The following STK39 variants were observed in gnomAD, a reference collection of about 807,000 sequenced individuals.
The protein encoded by STK39 is serine/threonine kinase 39.
In STK39, 20 loss-of-function variants were observed where a neutral mutation model predicts 77.8. The ratio of observed to expected loss-of-function variants is 0.26; its 90% CI spans 0.18 to 0.37. STK39 has a LOEUF of 0.37. Ranked by LOEUF, STK39 falls within the 10% of genes least tolerant of loss-of-function variation. The pLI, the probability that STK39 is intolerant of heterozygous loss-of-function variation, is 1.00. For synonymous variants in STK39, 246 were observed against 234.1 expected (o/e 1.05, Z -0.47); for missense variants, 479 against 656.5 (o/e 0.73, Z 2.95).
intron 1 of STK39, among the ~76,000 whole-genome samples, chr2:168,194,350 G>GC (rs1441245974): frequency 6.6e-6 from 1 of 152,132 alleles, no homozygotes; most frequent in African/African-American, 2.4e-5. Flanking sequence ...AACTTGGGTG[G>GC]CAGAGGTTGC....
chr2:168,109,039 C>T (rs936392081), intron 10 of STK39, among the ~76,000 whole-genome samples: 1 of 152,124 alleles, frequency 6.6e-6, no homozygotes, highest in African/African-American at 2.4e-5. Flanking sequence ...AGGTTAGGTA[C>T]CTTGCCCTTT....
intron 14 of STK39, among the ~76,000 whole-genome samples, chr2:168,018,173 G>T (rs1362324971): frequency 2.0e-5 from 3 of 152,132 alleles, no homozygotes; most frequent in Non-Finnish European, 2.9e-5. Context: ...ATCAACAGAT[G>T]CTAGAATTAA....
intron 10 of STK39, among the ~76,000 whole-genome samples, chr2:168,103,240 T>G (rs1686882478): frequency 1.3e-5 from 2 of 152,216 alleles, no homozygotes; most frequent in Non-Finnish European, 2.9e-5. Context: ...TCTATTTACT[T>G]TCTTATCCTT....
At chr2:168,016,196 G>T (rs1356843771) in intron 15 of STK39, among the ~76,000 whole-genome samples, 1 of 152,022 alleles carries the variant, frequency 6.6e-6, no homozygotes, top group Non-Finnish European at 1.5e-5. Flanking sequence ...TCAAAGTGCT[G>T]GGATTACAGG....
At chr2:168,151,809 C>T (rs2105559360) in intron 5 of STK39, among the ~76,000 whole-genome samples, 1 of 152,044 alleles carries the variant, frequency 6.6e-6, no homozygotes, top group South Asian at 2.1e-4. Context: ...TCCCCAATTC[C>T]TCAGCCATTC....
chr2:168,189,781 A>G lies in STK39; in HGVS notation c.209-7691T>C, dbSNP rs1263152427. Among the ~76,000 whole-genome samples the G allele has an allele frequency of 2.0e-5, 3 of 152,204 alleles. No individual in the cohort carries two copies. In the East Asian group the frequency reaches 5.8e-4, roughly 29 times the overall value. ...AAAAACATTTAACATTAGTCTCAAG[A>G]GCACTTACTCAGAGGTTCAGCCCCT... On this transcript the variant is annotated intron_variant, in intron 1 of 17. Coordinates refer to ENST00000355999, the MANE Select transcript of STK39 (RefSeq NM_013233.3).
chr2:168,098,014 A>T (rs1686719980), intron 10 of STK39, among the ~76,000 whole-genome samples: 1 of 152,252 alleles, frequency 6.6e-6, no homozygotes, highest in Non-Finnish European at 1.5e-5. Flanking sequence ...CTCATAGCAA[A>T]CGAACACTAA....
intron 10 of STK39, among the ~76,000 whole-genome samples, chr2:168,078,888 G>A (rs1306948164): frequency 6.6e-6 from 1 of 152,086 alleles, no homozygotes; most frequent in African/African-American, 2.4e-5. Context: ...TCCACCTGCT[G>A]AACATATGGC....
chr2:167,970,251 G>T (rs560948562), intron 16 of STK39, among the ~76,000 whole-genome samples: 1 of 152,024 alleles, frequency 6.6e-6, no homozygotes, highest in Admixed American at 6.6e-5. Flanking sequence ...TTCTGGATGC[G>T]GCCCTTTACC....
At chr2:168,083,156 T>G (rs1686281302) in intron 10 of STK39, among the ~76,000 whole-genome samples, 1 of 152,178 alleles carries the variant, frequency 6.6e-6, no homozygotes, top group African/African-American at 2.4e-5. Flanking sequence ...ACATGTCACA[T>G]ATTTTTGTGA....
intron 14 of STK39, among the ~76,000 whole-genome samples, chr2:168,044,073 C>T (rs1439241449): frequency 6.6e-6 from 1 of 152,172 alleles, no homozygotes; most frequent in East Asian, 1.9e-4. Context: ...CCTTGTTCAT[C>T]TCTGCAACAT....
chr2:168,056,022 T>G (rs931464712), intron 14 of STK39, among the ~76,000 whole-genome samples: 1 of 152,038 alleles, frequency 6.6e-6, no homozygotes, highest in Non-Finnish European at 1.5e-5. Context: ...ACAAAAAAAA[T>G]TTGCAAAAAA....
chr2:168,100,635 C>G (rs1248696476), intron 10 of STK39, among the ~76,000 whole-genome samples: 2 of 152,108 alleles, frequency 1.3e-5, no homozygotes, highest in Non-Finnish European at 2.9e-5. Context: ...GAATAGGCAA[C>G]CTACAGAATG....
At chr2:168,130,624 A>C (rs1299731886) in intron 8 of STK39, among the ~76,000 whole-genome samples, 1 of 152,204 alleles carries the variant, frequency 6.6e-6, no homozygotes, top group Non-Finnish European at 1.5e-5. Flanking sequence ...TAATACTTTG[A>C]CATTTTATGA....
intron 16 of STK39, among the ~76,000 whole-genome samples, chr2:167,977,919 T>G (rs78697733): frequency 0.037 from 5,599 of 152,208 alleles, 363 homozygotes; most frequent in African/African-American, 0.13. Flanking sequence ...GGGGTTGCAG[T>G]TTTTAAGGAT....
intron 12 of STK39, 73 bp from the exon 13 acceptor site, chr2:168,065,454 C>A (rs1266618891): frequency 1.4e-6 from 2 of 1,457,266 alleles, no homozygotes; most frequent in Non-Finnish European, 1.9e-6. Flanking sequence ...TACATTAAGT[C>A]CCAATTATCA....
rs1193722367 is a variant in STK39, at chr2:168,140,369, C to A, written c.760G>T (p.Ala254Ser). Reference protein sequence around the residue: ...MEQVRGYDFKADMWSFGITAI... With the variant: ...MEQVRGYDFKSDMWSFGITAI... ...GTTATTCCAAAACTCCACATGTCAGCCTTGAAGTCATAGCCTCTCACCTAA... is the reference window on the plus strand; with the variant it reads ...GTTATTCCAAAACTCCACATGTCAGACTTGAAGTCATAGCCTCTCACCTAA... The change falls in exon 7 of 18, where the codon GCT becomes TCT. Residue 254 changes from alanine to serine, a missense_variant. Ala to Ser is a moderately conservative substitution (Grantham distance 99). Coordinates refer to ENST00000355999, the MANE Select transcript of STK39 (RefSeq NM_013233.3). 1 of 1,614,004 alleles carries A rather than the reference C, an allele frequency of 6.2e-7. No individual in the cohort carries two copies.
chr2:168,139,425 A>ATATATATATATATATAT (rs1559115956), intron 7 of STK39, among the ~76,000 whole-genome samples: 6 of 131,810 alleles, frequency 4.6e-5, no homozygotes, highest in African/African-American at 2.0e-4. Flanking sequence ...TATATATATA[A>ATATATATATATATATAT]AAACAATAAA....
At chr2:168,103,610 A>G (rs1285347392) in intron 10 of STK39, among the ~76,000 whole-genome samples, 4 of 152,236 alleles carry the variant, frequency 2.6e-5, no homozygotes, top group Admixed American at 6.5e-5. Context: ...TTCTTTGCAC[A>G]TTCATGAATA....
Sources: allele counts gnomAD v4.1 joint callset (sites outside exome capture counted in the v4.1 genomes callset), GRCh38; gene constraint gnomAD v4.1.1; transcripts MANE v1.5; gene names NCBI Gene and HGNC (gene_info 2026-07-23, HGNC 2026-07-21).